The following DYM variants were observed in gnomAD, a reference collection of about 807,000 sequenced individuals.
DYM encodes dyggve-Melchior-Clausen syndrome protein.
DYM carries 78 observed loss-of-function variants against 93.1 expected under a neutral mutation model. That is an observed-to-expected ratio of 0.84 (90% confidence interval 0.70 to 1.01). The LOEUF is 1.01. Among genes scored for constraint, DYM ranks in the 50% least tolerant of loss-of-function variants. The probability of loss-of-function intolerance (pLI) is 0.00; values close to 1 mark genes in which losing one functional copy is unlikely to be tolerated. For missense variants in DYM, 789 were observed against 845.0 expected (o/e 0.93, Z 0.82); for synonymous variants, 321 against 319.7 (o/e 1.00, Z -0.04).
In DYM at chr18:49,041,754, C is replaced by T. The variant is rs1445843219; in HGVS notation, c.*2301G>A. The T allele has an allele frequency of 6.6e-6, 1 of 152,254 alleles. No homozygotes were observed. Among genetic ancestry groups the T allele is most frequent in the East Asian group, 1.9e-4 (1 of 5,186 alleles). 9.4% of individuals were successfully genotyped at this position (152,254 alleles called of 1,614,324 possible). A position where few individuals can be genotyped will look rare whatever the true frequency, so the allele number is the denominator to read the frequency against. On this transcript the variant is annotated 3_prime_UTR_variant, in exon 18 of 18. Transcript: ENST00000675505. Reference sequence around the variant, plus strand: ...GGGGCACCTCAGTGAGCCCAGAGGCCTGGAGGAGAGGCTGTATGATTCCCC... The same window carrying T: ...GGGGCACCTCAGTGAGCCCAGAGGCTTGGAGGAGAGGCTGTATGATTCCCC...
chr18:49,260,349 T>G (rs1164184894), intron 11 of DYM, among the ~76,000 whole-genome samples: 1 of 152,198 alleles, frequency 6.6e-6, no homozygotes, highest in Non-Finnish European at 1.5e-5. Flanking sequence ...GCCACTGCAC[T>G]CCAGCCTGGG....
chr18:49,317,604 C>CTCTCT (rs1197711626), intron 8 of DYM, among the ~76,000 whole-genome samples: 9 of 12,868 alleles, frequency 7.0e-4, no homozygotes, highest in East Asian at 3.7e-3. Context: ...TCTCCCCCCT[C>CTCTCT]CCCCCTCCCT....
At chr18:49,332,889 T>C (rs1048763981) in intron 7 of DYM, among the ~76,000 whole-genome samples, 2 of 152,188 alleles carry the variant, frequency 1.3e-5, no homozygotes, top group East Asian at 3.8e-4. Flanking sequence ...ATGCCAGCAC[T>C]ACTTCAAACC....
At chr18:49,074,985 G>C (rs1007897202) in intron 17 of DYM, among the ~76,000 whole-genome samples, 11 of 152,190 alleles carry the variant, frequency 7.2e-5, no homozygotes, top group Non-Finnish European at 1.2e-4. Context: ...GACTCACAGA[G>C]TCCTGAGGAA....
intron 14 of DYM, among the ~76,000 whole-genome samples, chr18:49,167,804 CT>C (rs935772845): frequency 1.3e-5 from 2 of 152,104 alleles, no homozygotes; most frequent in Admixed American, 6.5e-5. Flanking sequence ...TGCTAGAATA[CT>C]TTTTTAAAAT....
At chr18:49,220,621 C>T (rs1361398443) in intron 13 of DYM, among the ~76,000 whole-genome samples, 5 of 151,992 alleles carry the variant, frequency 3.3e-5, no homozygotes, top group East Asian at 1.9e-4. Flanking sequence ...ACTATCTGAT[C>T]GTTGACAAAC....
intron 8 of DYM, among the ~76,000 whole-genome samples, chr18:49,325,314 C>A (rs2146678996): frequency 6.6e-6 from 1 of 152,318 alleles, no homozygotes; most frequent in South Asian, 2.1e-4. Flanking sequence ...CAAATGAAAT[C>A]TATTCTATAA....
At chr18:49,427,073 T>C (rs1163754774) in intron 2 of DYM, among the ~76,000 whole-genome samples, 1 of 152,186 alleles carries the variant, frequency 6.6e-6, no homozygotes, top group African/African-American at 2.4e-5. Flanking sequence ...AAACAGGTGA[T>C]TCAGGCAAAA....
chr18:49,186,520 G>A (rs2090447142), intron 14 of DYM, among the ~76,000 whole-genome samples: 1 of 151,988 alleles, frequency 6.6e-6, no homozygotes, highest in South Asian at 2.1e-4. Flanking sequence ...TCCACCAAAG[G>A]TCTGTCCTCC....
intron 13 of DYM, among the ~76,000 whole-genome samples, chr18:49,238,326 T>C (rs909221126): frequency 2.6e-5 from 4 of 152,274 alleles, no homozygotes; most frequent in East Asian, 1.9e-4. Context: ...ACCTTTAAAA[T>C]TGTGAAATTT....
chr18:49,263,684 G>A (rs566452242), intron 11 of DYM, among the ~76,000 whole-genome samples: 21 of 151,972 alleles, frequency 1.4e-4, no homozygotes, highest in Middle Eastern at 3.4e-3. Flanking sequence ...AGCCAAGATC[G>A]TGCCACTGCA....
In DYM at chr18:49,103,509, T is replaced by A. The variant is rs28787914; in HGVS notation, c.1912-5994A>T. On this transcript the variant is annotated intron_variant, in intron 16 of 17. Transcript: ENST00000675505. ...GCCTATGTCTATGTCCTGAATGGTA[T>A]TGCCTAGGTTTTCTTCTAGGGTTTT... Among the ~76,000 whole-genome samples the A allele has an allele frequency of 2.0e-5, 3 of 152,242 alleles. No individual in the cohort carries two copies. The East Asian group carries it at 5.8e-4, about 29-fold the overall frequency.
chr18:49,243,682 G>GA (rs2094092043), intron 13 of DYM, among the ~76,000 whole-genome samples: 1 of 121,162 alleles, frequency 8.3e-6, no homozygotes, highest in Admixed American at 8.3e-5. Flanking sequence ...AAAAAAAAAA[G>GA]AAAAAAGAAA....
intron 8 of DYM, among the ~76,000 whole-genome samples, chr18:49,303,324 T>C (rs985834582): frequency 1.3e-5 from 2 of 152,188 alleles, no homozygotes; most frequent in Non-Finnish European, 2.9e-5. Context: ...TAAATTGTTG[T>C]CACTACATTT....
chr18:49,333,994 C>T (rs1346645508), intron 6 of DYM, 141 bp from the exon 7 acceptor site: 11 of 927,944 alleles, frequency 1.2e-5, no homozygotes, highest in East Asian at 8.3e-5. Context: ...ACGTTTAATA[C>T]AAAAATTAAG....
intron 17 of DYM, among the ~76,000 whole-genome samples, chr18:49,063,754 GT>G (rs1341599573): frequency 6.6e-5 from 10 of 151,480 alleles, no homozygotes; most frequent in African/African-American, 2.4e-4. Flanking sequence ...AGCCTCCCAA[GT>G]AGCTGGGATT....
At chr18:49,207,032 CCT>C (rs1232133047) in intron 14 of DYM, among the ~76,000 whole-genome samples, 2 of 152,174 alleles carry the variant, frequency 1.3e-5, no homozygotes, top group African/African-American at 4.8e-5. Context: ...CCATCTTTCT[CCT>C]CATTTTTAAA....
intron 6 of DYM, among the ~76,000 whole-genome samples, chr18:49,350,888 TA>T (rs1392835009): frequency 8.5e-5 from 13 of 152,064 alleles, no homozygotes; most frequent in Non-Finnish European, 1.5e-5. Flanking sequence ...CTATTAAAAA[TA>T]AGTATTTTAG....
chr18:49,414,992 C>T (rs1421600529), intron 2 of DYM, among the ~76,000 whole-genome samples: 1 of 152,012 alleles, frequency 6.6e-6, no homozygotes, highest in Non-Finnish European at 1.5e-5. Context: ...AAAAATACTT[C>T]CTTTTTTTTT....
Sources: gnomAD v4.1 joint callset for allele counts (sites outside exome capture counted in the v4.1 genomes callset) on GRCh38, gnomAD v4.1.1 for gene constraint, MANE v1.5 for transcripts, NCBI Gene and HGNC (gene_info 2026-07-23, HGNC 2026-07-21) for gene names.